The following GNAS variants were observed in gnomAD, a reference collection of about 807,000 sequenced individuals.
GNAS encodes GNAS complex locus.
Under a neutral mutation model 54.5 loss-of-function variants are expected in GNAS, and 8 were observed. That is an observed-to-expected ratio of 0.15 (90% CI 0.09 to 0.26). The LOEUF (loss-of-function observed/expected upper bound fraction) is 0.26, where lower values mean the gene tolerates loss of function less well. Among genes scored for constraint, GNAS ranks in the 10% least tolerant of loss-of-function variants. The probability of loss-of-function intolerance (pLI) is 1.00; values close to 1 mark genes in which losing one functional copy is unlikely to be tolerated. For synonymous variants in GNAS, 204 were observed against 191.4 expected, an observed-to-expected ratio of 1.07 and a Z score of -0.54; for missense variants, 170 against 529.8, an observed-to-expected ratio of 0.32 and a Z score of 6.67.
intron 1 of GNAS, among the ~76,000 whole-genome samples, chr20:58,894,939 AC>A (rs1368768508): frequency 6.6e-6 from 1 of 152,166 alleles, no homozygotes; most frequent in East Asian, 1.9e-4. Flanking sequence ...ACATAGTTGT[AC>A]CCAGAGGGAA....
At chr20:58,864,958 A>C (rs1008257058) in intron 1 of GNAS, among the ~76,000 whole-genome samples, 39 of 135,662 alleles carry the variant, frequency 2.9e-4, no homozygotes, top group African/African-American at 8.0e-4. Flanking sequence ...CACACACACA[A>C]ACACACACGC....
chr20:58,900,346 G>A (rs1481538341), intron 3 of GNAS: 1 of 251,960 alleles, frequency 4.0e-6, no homozygotes, highest in Non-Finnish European at 7.6e-6. Context: ...CTCTCACTCT[G>A]TTCTGCAAGT....
At chr20:58,854,751 G>A (rs1302882903) in intron 1 of GNAS, 2 of 1,545,106 alleles carry the variant, frequency 1.3e-6, no homozygotes, top group Non-Finnish European at 1.7e-6. Flanking sequence ...AGACGCAGGG[G>A]CTCCCACTGC....
chr20:58,848,331 G>A (rs1158602334), intron 1 of GNAS, among the ~76,000 whole-genome samples: 1 of 152,114 alleles, frequency 6.6e-6, no homozygotes, highest in Non-Finnish European at 1.5e-5. Flanking sequence ...CAGGGGTCAA[G>A]ACCCTGGCAC....
chr20:58,907,838 G>A (rs915755775), intron 6 of GNAS, among the ~76,000 whole-genome samples: 1 of 152,218 alleles, frequency 6.6e-6, no homozygotes, highest in African/African-American at 2.4e-5. Flanking sequence ...CTGCCTTTAT[G>A]TTAAAGTTCA....
chr20:58,903,177 C>A (rs974454121), intron 3 of GNAS: 5 of 404,024 alleles, frequency 1.2e-5, no homozygotes, highest in African/African-American at 2.1e-5. Context: ...TCCAGCCTCA[C>A]CCCTACCCAG....
chr20:58,897,704 T>A (rs528415905), intron 2 of GNAS: 1 of 152,280 alleles, frequency 6.6e-6, no homozygotes, highest in Non-Finnish European at 1.5e-5. Flanking sequence ...CAGTTTGCCT[T>A]CTTTGCAGAC....
At chr20:58,874,629 G>A (rs2087676134) in intron 1 of GNAS, among the ~76,000 whole-genome samples, 1 of 151,466 alleles carries the variant, frequency 6.6e-6, no homozygotes, top group South Asian at 2.1e-4. Context: ...CTTAGCTTCT[G>A]GCCTGCCTTC....
At chr20:58,840,796 C>A (rs771753113), upstream of GNAS, 1 of 1,612,246 alleles carries the variant, frequency 6.2e-7, no homozygotes, top group South Asian at 1.1e-5. This position sits in a 1 kb window ranked among gnomAD's most constrained non-coding sequence, Gnocchi z 6.0. Context: ...GTGACGCGTC[C>A]CCGGAGTCCC....
chr20:58,902,181 C>A (rs994180217), intron 3 of GNAS, among the ~76,000 whole-genome samples: 1 of 152,082 alleles, frequency 6.6e-6, no homozygotes, highest in South Asian at 2.1e-4. Flanking sequence ...ACCTTTTTTC[C>A]GCATGACAAC....
chr20:58,900,078 AG>A (rs1343743496), intron 3 of GNAS: 22 of 356,496 alleles, frequency 6.2e-5, no homozygotes, highest in African/African-American at 2.3e-4. Context: ...CTGAGGGGGG[AG>A]GGGGGATGGG....
At chr20:58,840,017 ACCTTT>A (rs1281467643), upstream of GNAS, 17 of 1,464,030 alleles carry the variant, frequency 1.2e-5, no homozygotes, top group Non-Finnish European at 1.5e-5. The surrounding 1 kb of genome is among the most constrained non-coding windows in gnomAD (Gnocchi z 6.0). Context: ...CATAGGGTGT[ACCTTT>A]CCCGGCTCCA....
rs2145478352 is a variant in GNAS, at chr20:58,841,569, G to T, written c.43+683G>T. The T allele has an allele frequency of 2.0e-6, 2 of 1,002,068 alleles. No individual in the cohort carries two copies. The highest frequency in any genetic ancestry group is 2.4e-6 in the Non-Finnish European group (2 of 841,512). 62.1% of individuals were successfully genotyped at this position (1,002,068 alleles called of 1,614,324 possible). A position where few individuals can be genotyped will look rare whatever the true frequency, so the allele number is the denominator to read the frequency against. On this transcript the variant is annotated intron_variant, in intron 1 of 12. Transcript: ENST00000306090. This position sits in a 1 kb window ranked among gnomAD's most constrained non-coding sequence, Gnocchi z 5.0. Reference sequence around the variant, plus strand: ...CCTTGGCCGCCACAGCCCGCCTCCCGTCGCTCGCGGGACAGAGACCGCCTC... The same window carrying T: ...CCTTGGCCGCCACAGCCCGCCTCCCTTCGCTCGCGGGACAGAGACCGCCTC...
chr20:58,843,593 A>G (rs1439038275), intron 1 of GNAS, among the ~76,000 whole-genome samples: 1 of 152,228 alleles, frequency 6.6e-6, no homozygotes, highest in Admixed American at 6.5e-5. Flanking sequence ...AGCAGATCTT[A>G]TGGTGAACCA....
At chr20:58,867,584 C>T (rs1318636084) in intron 1 of GNAS, 1 of 152,238 alleles carries the variant, frequency 6.6e-6, no homozygotes, top group Non-Finnish European at 1.5e-5. Flanking sequence ...TAGAATAGTA[C>T]AAACAGCACT....
At chr20:58,888,937 G>T (rs1384454398), upstream of GNAS, 1 of 269,354 alleles carries the variant, frequency 3.7e-6, no homozygotes, top group Non-Finnish European at 5.7e-6. Flanking sequence ...AGCGCCCACC[G>T]CCTTGGGCGC....
At chr20:58,896,923 A>T (rs1218041569) in intron 2 of GNAS, among the ~76,000 whole-genome samples, 1 of 152,216 alleles carries the variant, frequency 6.6e-6, no homozygotes, top group Non-Finnish European at 1.5e-5. Flanking sequence ...TTTACTAGTC[A>T]CTAAGCATCC....
At chr20:58,899,036 A>G in intron 3 of GNAS, 51 bp downstream of exon 3, 2 of 1,404,192 alleles carry the variant, frequency 1.4e-6, no homozygotes, top group Non-Finnish European at 1.0e-6. Context: ...AACAAACATG[A>G]AGATCATACT....
chr20:58,846,636 C>T (rs2085949454), intron 1 of GNAS, among the ~76,000 whole-genome samples: 1 of 152,220 alleles, frequency 6.6e-6, no homozygotes, highest in Admixed American at 6.5e-5. Context: ...GTCCAAGGGG[C>T]ACAGGCCAAA....
Sources: allele counts gnomAD v4.1 joint callset (sites outside exome capture counted in the v4.1 genomes callset), GRCh38; gene constraint gnomAD v4.1.1; non-coding constraint Gnocchi (gnomAD v3.1); transcripts MANE v1.5; gene names NCBI Gene and HGNC (gene_info 2026-07-23, HGNC 2026-07-21).